The following STX7 variants were observed in gnomAD, a reference collection of about 807,000 sequenced individuals.
STX7 encodes syntaxin-7.
In STX7, 34 loss-of-function variants were observed where a neutral mutation model predicts 39.6. That is an observed-to-expected ratio of 0.86 (90% CI 0.65 to 1.14). The LOEUF is 1.14. STX7 is among the 50% of genes most tolerant of loss of function. STX7 has a pLI of 0.00. For missense variants in STX7, 284 were observed against 310.4 expected (o/e 0.92, Z 0.64); for synonymous variants, 119 against 99.1 (o/e 1.20, Z -1.19).
At chr6:132,461,860 T>C in intron 9 of STX7, 2 of 1,540,550 alleles carry the variant, frequency 1.3e-6, no homozygotes, top group Non-Finnish European at 1.8e-6. Context: ...GAATCCTTTT[T>C]CTTACAAAGT....
At chr6:132,509,799 T>C (rs958191646) in intron 1 of STX7, among the ~76,000 whole-genome samples, 3 of 152,150 alleles carry the variant, frequency 2.0e-5, no homozygotes, top group South Asian at 2.1e-4. Flanking sequence ...ACAGACAGGA[T>C]AGGTAACTAC....
chr6:132,463,267 G>A (rs1210595097), intron 9 of STX7, among the ~76,000 whole-genome samples: 2 of 152,016 alleles, frequency 1.3e-5, no homozygotes, highest in Admixed American at 1.3e-4. Context: ...ACAAAGGAAT[G>A]GAGTTTTAAA....
At chr6:132,492,748 C>CA (rs1247588976) in intron 2 of STX7, among the ~76,000 whole-genome samples, 1 of 151,598 alleles carries the variant, frequency 6.6e-6, no homozygotes, top group African/African-American at 2.4e-5. Context: ...AAACAATGCA[C>CA]AAAAAAAGGA....
chr6:132,511,699 C>T (rs919064743), intron 1 of STX7, among the ~76,000 whole-genome samples: 9 of 152,142 alleles, frequency 5.9e-5, no homozygotes, highest in Non-Finnish European at 1.3e-4. Context: ...CATCACTGAC[C>T]TTTTGTACTA....
rs1244639770 is a variant in STX7 at position 132,455,783 on chromosome 6, A to G, written c.*4975T>C. ...TATTCATGTTAACCAAATGATTACA[A>G]AAACAAAGAATTAAAATTGGTGTAT... On this transcript the variant is annotated 3_prime_UTR_variant, in exon 10 of 10. Transcript: ENST00000367941. 2.0e-5 allele frequency: 3 copies of G among 152,224 alleles called. No individual in the cohort carries two copies. Among genetic ancestry groups the G allele is most frequent in the Non-Finnish European group, 2.9e-5 (2 of 68,026 alleles). The allele number at this position is 152,224 out of a possible 1,614,324, so 9.4% of individuals were successfully genotyped here.
At chr6:132,508,467 G>A (rs1775761839) in intron 1 of STX7, among the ~76,000 whole-genome samples, 1 of 152,168 alleles carries the variant, frequency 6.6e-6, no homozygotes, top group Non-Finnish European at 1.5e-5. Context: ...TTCACCCAAA[G>A]AGGTGCTACT....
intron 3 of STX7, among the ~76,000 whole-genome samples, chr6:132,475,122 G>A (rs892914992): frequency 2.4e-4 from 37 of 151,192 alleles, no homozygotes; most frequent in African/African-American, 7.0e-4. Flanking sequence ...AGCCTATCAA[G>A]GAATTTTTTT....
At position 132,452,308 on chromosome 6, in the gene STX7, T is replaced by C. The variant is rs1449885650; in HGVS notation, c.*8450A>G. The C allele has an allele frequency of 1.3e-5, 2 of 152,114 alleles. No individual in the cohort carries two copies. The highest frequency in any genetic ancestry group is 2.9e-5 in the Non-Finnish European group (2 of 67,990). The allele number at this position is 152,114 out of a possible 1,614,324, so 9.4% of individuals were successfully genotyped here. ...CTTCATGGTGAAACACTGAATCCTT[T>C]CTGCCTAAGACCAGAAACAAGCCAA... On this transcript the variant is annotated 3_prime_UTR_variant, in exon 10 of 10. Coordinates refer to ENST00000367941, the MANE Select transcript of STX7 (RefSeq NM_003569.3).
chr6:132,506,980 A>C (rs2114483152), intron 1 of STX7, among the ~76,000 whole-genome samples: 1 of 152,334 alleles, frequency 6.6e-6, no homozygotes, highest in East Asian at 1.9e-4. Context: ...AACCTTAAAA[A>C]AGACTGAAGT....
At chr6:132,487,476 AG>A (rs1775168670) in intron 2 of STX7, among the ~76,000 whole-genome samples, 1 of 152,116 alleles carries the variant, frequency 6.6e-6, no homozygotes, top group African/African-American at 2.4e-5. Context: ...AGGGCCTGTC[AG>A]GGGATGAGGG....
rs1262330745 is a variant in STX7, at chr6:132,455,561, GC to G, written c.*5196del. 2 of 152,114 alleles carry G rather than the reference GC, an allele frequency of 1.3e-5. No individual in the cohort carries two copies. Among genetic ancestry groups the G allele is most frequent in the African/African-American group, 4.8e-5 (2 of 41,426 alleles). 9.4% of individuals were successfully genotyped at this position (152,114 alleles called of 1,614,324 possible). A position where few individuals can be genotyped will look rare whatever the true frequency, so the allele number is the denominator to read the frequency against. The stretch of plus-strand genomic sequence containing the variant: ...ACGACTGGACAGGAAATCTGGTTTT[GC>G]CTTCCACCACTTACATTTTAAGCAT... On this transcript the variant is annotated 3_prime_UTR_variant, in exon 10 of 10. Transcript: ENST00000367941.
At chr6:132,461,547 T>C (rs747076141) in intron 9 of STX7, among the ~76,000 whole-genome samples, 4 of 152,022 alleles carry the variant, frequency 2.6e-5, no homozygotes, top group African/African-American at 4.8e-5. Context: ...CCTCACCTCA[T>C]GATCTGCCCA....
chr6:132,477,843 T>C (rs1321049220), intron 2 of STX7, among the ~76,000 whole-genome samples: 1 of 152,178 alleles, frequency 6.6e-6, no homozygotes, highest in East Asian at 1.9e-4. Flanking sequence ...GTAATTATTT[T>C]TGGTAACAGA....
At chr6:132,470,423 T>G (rs904507885) in intron 6 of STX7, 151 bp downstream of exon 6, 1 of 448,676 alleles carries the variant, frequency 2.2e-6, no homozygotes, top group Non-Finnish European at 3.7e-6. Context: ...TTACTTAAAA[T>G]TTTTTTCAAA....
intron 2 of STX7, among the ~76,000 whole-genome samples, chr6:132,499,888 T>G (rs1396427536): frequency 2.1e-4 from 32 of 152,236 alleles, no homozygotes; most frequent in Non-Finnish European, 4.4e-5. Flanking sequence ...TCTCCCCTAC[T>G]TGTCCTGAAC....
chr6:132,508,105 T>C (rs1199806658), intron 1 of STX7, among the ~76,000 whole-genome samples: 1 of 152,214 alleles, frequency 6.6e-6, no homozygotes, highest in Non-Finnish European at 1.5e-5. Flanking sequence ...TTTTCCACCC[T>C]ACACAGAGGA....
intron 1 of STX7, among the ~76,000 whole-genome samples, chr6:132,508,393 C>T (rs1274242948): frequency 1.3e-5 from 2 of 152,204 alleles, no homozygotes; most frequent in Non-Finnish European, 2.9e-5. Flanking sequence ...TTTCTTCATC[C>T]CTTTCCTCAA....
Position 132,457,464 on chromosome 6 carries a change from T to C in STX7, c.*3294A>G, listed in dbSNP as rs1366338465. On this transcript the variant is annotated 3_prime_UTR_variant, in exon 10 of 10. Transcript: ENST00000367941. ...TCAGAAAAAAATGGTTTTATCTTAA[T>C]TGATTTATAAATTATGTTAGGGTAG... 1 of 152,238 alleles carries C rather than the reference T, an allele frequency of 6.6e-6. No individual in the cohort carries two copies. 9.4% of individuals were successfully genotyped at this position (152,238 alleles called of 1,614,324 possible).
intron 1 of STX7, among the ~76,000 whole-genome samples, chr6:132,510,284 T>G (rs893606599): frequency 2.0e-5 from 3 of 152,252 alleles, no homozygotes; most frequent in African/African-American, 7.2e-5. Context: ...GTAATGGATA[T>G]GCTAATTACC....
Sources: gnomAD v4.1 joint callset for allele counts (sites outside exome capture counted in the v4.1 genomes callset) on GRCh38, gnomAD v4.1.1 for gene constraint, MANE v1.5 for transcripts, NCBI Gene and HGNC (gene_info 2026-07-23, HGNC 2026-07-21) for gene names.